C2CD5: variants seen among roughly 807,000 people sequenced by gnomAD.
The protein encoded by C2CD5 is C2 domain-containing protein 5.
Under a neutral mutation model 130.3 loss-of-function variants are expected in C2CD5, and 109 were observed. That is an observed-to-expected ratio of 0.84 (90% CI 0.72 to 0.98). The LOEUF (loss-of-function observed/expected upper bound fraction) is 0.98. Among genes scored for constraint, C2CD5 ranks in the 50% least tolerant of loss-of-function variants. The pLI is 0.00. For missense variants in C2CD5, 996 were observed against 1,261.8 expected (o/e 0.79, Z 3.19); for synonymous variants, 454 against 429.2 (o/e 1.06, Z -0.71).
At chr12:22,524,291 CATTTCCACTTGTTAA>C (rs1267218986) in intron 6 of C2CD5, among the ~76,000 whole-genome samples, 166 bp downstream of exon 6, 1 of 152,170 alleles carries the variant, frequency 6.6e-6, no homozygotes, top group Non-Finnish European at 1.5e-5. Flanking sequence ...TTCTGATTTG[CATTTCCACTTGTTAA>C]AAGAGGGCAA....
At chr12:22,528,901 A>C (rs1950962172) in intron 3 of C2CD5, among the ~76,000 whole-genome samples, 1 of 152,138 alleles carries the variant, frequency 6.6e-6, no homozygotes, top group African/African-American at 2.4e-5. Context: ...CAGCCTCTGA[A>C]GATTATTTTA....
chr12:22,521,363 C>T (rs567270556), intron 7 of C2CD5, among the ~76,000 whole-genome samples: 9 of 152,252 alleles, frequency 5.9e-5, no homozygotes, highest in Admixed American at 4.6e-4. Flanking sequence ...AAGGAGAAAA[C>T]GTATACAATC....
intron 26 of C2CD5, 43 bp from the exon 27 acceptor site, chr12:22,449,934 C>T: frequency 6.6e-7 from 1 of 1,522,462 alleles, no homozygotes; most frequent in Non-Finnish European, 9.0e-7. Context: ...ATACTCAACA[C>T]ATTCATACTC....
intron 8 of C2CD5, among the ~76,000 whole-genome samples, chr12:22,514,570 A>C (rs1425851823): frequency 6.6e-6 from 1 of 152,090 alleles, no homozygotes; most frequent in Admixed American, 6.6e-5. Flanking sequence ...ATATCACCAA[A>C]ATGAGACTTA....
chr12:22,492,642 T>C (rs1223291622), intron 11 of C2CD5, among the ~76,000 whole-genome samples: 2 of 152,094 alleles, frequency 1.3e-5, no homozygotes, highest in Non-Finnish European at 2.9e-5. Context: ...AATGGAACAG[T>C]AGCGTGGCAT....
At chr12:22,468,323 ATCC>A (rs1315344886) in intron 22 of C2CD5, among the ~76,000 whole-genome samples, 1 of 152,134 alleles carries the variant, frequency 6.6e-6, no homozygotes, top group Non-Finnish European at 1.5e-5. Flanking sequence ...GGATCAAGCA[ATCC>A]TCCCACCTCA....
intron 9 of C2CD5, among the ~76,000 whole-genome samples, chr12:22,510,683 T>C (rs918355239): frequency 6.6e-6 from 1 of 152,244 alleles, no homozygotes; most frequent in Non-Finnish European, 1.5e-5. Flanking sequence ...TTTCCCAAAA[T>C]GTGTTCCTCA....
At chr12:22,536,154 A>G (rs1951797358) in intron 2 of C2CD5, among the ~76,000 whole-genome samples, 2 of 151,996 alleles carry the variant, frequency 1.3e-5, no homozygotes, top group South Asian at 4.1e-4. Flanking sequence ...AAAAAAAAAA[A>G]AGACAGAATT....
Position 22,517,976 on chromosome 12 carries a change from A to G in C2CD5, c.952+10T>C. On this transcript the variant is annotated intron_variant, in intron 8 of 26. Coordinates refer to ENST00000446597, the MANE Select transcript of C2CD5 (RefSeq NM_001286176.2). The stretch of plus-strand genomic sequence containing the variant: ...AAAGAAAAAATAAAAGGTGGGTGGA[A>G]GCGCCTTACCAGTTTTGGGTGTCAA... The G allele has an allele frequency of 6.3e-7, 1 of 1,597,066 alleles. No individual in the cohort carries two copies. The highest frequency in any genetic ancestry group is 8.5e-7 in the Non-Finnish European group (1 of 1,171,246).
In C2CD5 at chr12:22,472,327, C is replaced by A. The variant is rs1382389638; in HGVS notation, c.2128G>T (p.Glu710Ter). The A allele has an allele frequency of 1.3e-6, 2 of 1,486,524 alleles. No individual in the cohort carries two copies. The highest frequency in any genetic ancestry group is 3.9e-5 in the Admixed American group (2 of 51,686). The allele number at this position is 1,486,524 out of a possible 1,614,324, so 92.1% of individuals were successfully genotyped here. The change falls in exon 18 of 27, where the codon GAA becomes TAA. Residue 710 changes from glutamate (E) to a stop codon, truncating the protein, a stop_gained. Coordinates refer to ENST00000446597, the MANE Select transcript of C2CD5 (RefSeq NM_001286176.2). LOFTEE classifies it high-confidence loss of function. ...PPSGFYSCNT[E>*]IMPGINNWTS... ...CAATTATTTATACCGGGCATAATTT[C>A]TGTATTACAACTATAAAAGCCTGTC... is the stretch of plus-strand genomic sequence containing the variant.
At position 22,453,979 on chromosome 12, in the gene C2CD5, G is replaced by A. The variant is rs1207899406; in HGVS notation, c.2941C>T (p.His981Tyr). Residue 981 changes from histidine to tyrosine, a missense_variant, in exon 26 of 27, where the codon CAT becomes TAT. His to Tyr is a moderately conservative substitution (Grantham distance 83). This residue lies in a region of C2CD5 where 51 missense variants were observed against 99.5 expected (regional missense o/e 0.51). Transcript: ENST00000446597. The stretch of plus-strand genomic sequence containing the variant: ...GCATTCCCTCCTAATGCAGCAACAT[G>A]AGCTCTCACCATTGCAAACACTTCA... ...IAEVFAMVRAHVAALGGNAVV... is the reference protein window; with the variant it reads ...IAEVFAMVRAYVAALGGNAVV... The A allele has an allele frequency of 1.2e-6, 2 of 1,613,474 alleles. No homozygotes were observed. The highest frequency in any genetic ancestry group is 1.7e-6 in the Non-Finnish European group (2 of 1,179,598).
At chr12:22,464,987 G>A (rs1271768210) in intron 22 of C2CD5, among the ~76,000 whole-genome samples, 1 of 152,008 alleles carries the variant, frequency 6.6e-6, no homozygotes, top group East Asian at 1.9e-4. Flanking sequence ...CTGTGAATGA[G>A]ACTGTCTCTA....
intron 7 of C2CD5, among the ~76,000 whole-genome samples, chr12:22,522,288 T>G (rs1950341485): frequency 6.6e-6 from 1 of 152,180 alleles, no homozygotes; most frequent in African/African-American, 2.4e-5. Context: ...TGTATAGGGT[T>G]GTCCCTTGCT....
chr12:22,463,513 T>G (rs1203479998), intron 22 of C2CD5: 3 of 152,282 alleles, frequency 2.0e-5, no homozygotes, highest in Non-Finnish European at 4.4e-5. Context: ...TTTGCCCTTC[T>G]GCCCTGTGAT....
chr12:22,505,250 C>CAT (rs1948347624), intron 10 of C2CD5, among the ~76,000 whole-genome samples: 1 of 138,746 alleles, frequency 7.2e-6, no homozygotes, highest in African/African-American at 2.9e-5. Context: ...ACCCTTCTTT[C>CAT]TTTCTTTTTT....
chr12:22,490,008 T>C (rs1946133214), intron 12 of C2CD5, 115 bp downstream of exon 12: 2 of 675,492 alleles, frequency 3.0e-6, no homozygotes, highest in Admixed American at 5.4e-5. Flanking sequence ...TCCTGATTTC[T>C]ACACTGTACC....
Position 22,452,450 on chromosome 12 carries a change from G to T in C2CD5, c.3024+1446C>A, listed in dbSNP as rs16924958. Among the ~76,000 whole-genome samples, 729 of 151,784 alleles carry T rather than the reference G, an allele frequency of 4.8e-3. 12 individuals are homozygous for T. The East Asian group carries it at 0.05, about 10-fold the overall frequency. ...GACCACTCCACACAATCTCCTTCAC[G>T]CCAAATCTTATCAATAAGCTAGCTG... On this transcript the variant is annotated intron_variant, in intron 26 of 26. Coordinates refer to ENST00000446597, the MANE Select transcript of C2CD5 (RefSeq NM_001286176.2).
intron 3 of C2CD5, among the ~76,000 whole-genome samples, chr12:22,534,044 C>A (rs1024310693): frequency 6.6e-6 from 1 of 152,092 alleles, no homozygotes; most frequent in Non-Finnish European, 1.5e-5. Flanking sequence ...AAAAATTAGC[C>A]AGGCATGATG....
chr12:22,450,770 C>T (rs1402210706), intron 26 of C2CD5, among the ~76,000 whole-genome samples: 4 of 152,040 alleles, frequency 2.6e-5, no homozygotes, highest in Admixed American at 6.6e-5. Flanking sequence ...TTTTGTAGCA[C>T]TGTATGTATT....
Sources: allele counts gnomAD v4.1 joint callset (sites outside exome capture counted in the v4.1 genomes callset), GRCh38; gene constraint gnomAD v4.1.1; regional missense constraint gnomAD v4.1.1; transcripts MANE v1.5; gene names NCBI Gene and HGNC (gene_info 2026-07-23, HGNC 2026-07-21).